ATP8A1: variants seen among roughly 807,000 people sequenced by gnomAD.
The protein encoded by ATP8A1 is ATPase phospholipid transporting 8A1.
In ATP8A1, 90 loss-of-function variants were observed where a neutral mutation model predicts 177.7. The ratio of observed to expected loss-of-function variants is 0.51; its 90% confidence interval spans 0.43 to 0.60. The LOEUF (loss-of-function observed/expected upper bound fraction) is 0.60, where lower values mean the gene tolerates loss of function less well. Ranked by LOEUF, ATP8A1 falls within the 20% of genes least tolerant of loss-of-function variation. The pLI is 0.00. For synonymous variants in ATP8A1, 493 were observed against 485.9 expected (o/e 1.01, Z -0.19); for missense variants, 1,072 against 1,392.8 (o/e 0.77, Z 3.67).
chr4:42,625,664 G>C lies in ATP8A1; in HGVS notation c.214C>G (p.Gln72Glu), dbSNP rs757599294. 23 of 1,609,290 alleles carry C rather than the reference G, an allele frequency of 1.4e-5. No homozygotes were observed. Among genetic ancestry groups the C allele is most frequent in the African/African-American group, 6.7e-5 (5 of 74,790 alleles). Reference protein sequence around the residue: ...ITFLPRFLYSQFRRAANSFFL... With the variant: ...ITFLPRFLYSEFRRAANSFFL... ...AATGAATTAGCAGCTCTTCTGAACT[G>C]AGAGTAGAGAAATCTTGGAAGGAAT... Residue 72 changes from glutamine to glutamate, a missense_variant, in exon 3 of 37, where the codon CAG becomes GAG. By Grantham distance (29) the Gln-to-Glu change is conservative. Coordinates refer to ENST00000381668, the MANE Select transcript of ATP8A1 (RefSeq NM_006095.2).
chr4:42,579,872 A>G lies in ATP8A1; in HGVS notation c.941T>C (p.Val314Ala). The change falls in exon 11 of 37, where the codon GTG becomes GCG. Residue 314 changes from valine (V) to alanine (A), a missense_variant. By Grantham distance (64) the Val-to-Ala change is moderately conservative. Coordinates refer to ENST00000381668, the MANE Select transcript of ATP8A1 (RefSeq NM_006095.2). ...CCTTCGATTCCAAATGGCTGAGCCC[A>G]CAGAACAGACAAGAGACATGGCAAT... ...ILIAMSLVCS[V>A]GSAIWNRRHS... The G allele has an allele frequency of 6.2e-7, 1 of 1,613,950 alleles. No individual in the cohort carries two copies. The highest frequency in any genetic ancestry group is 8.5e-7 in the Non-Finnish European group (1 of 1,179,898).
intron 19 of ATP8A1, among the ~76,000 whole-genome samples, chr4:42,545,790 A>T (rs758591850): frequency 6.6e-6 from 1 of 152,158 alleles, no homozygotes; most frequent in South Asian, 2.1e-4. Context: ...CCTGGCCAAC[A>T]TGGTGAAACC....
At chr4:42,537,270 A>C (rs1332367618) in intron 20 of ATP8A1, among the ~76,000 whole-genome samples, 1 of 152,148 alleles carries the variant, frequency 6.6e-6, no homozygotes, top group Non-Finnish European at 1.5e-5. Flanking sequence ...GGCATACCTT[A>C]AGGTAATAAA....
rs373195226 is a variant in ATP8A1, at chr4:42,465,126, T to C, written c.2325-50A>G. ...TACTGTTTTCTGAAAAAAGGAATTT[T>C]GAAATGCCATCGTGTTGAAGGATAA... On this transcript the variant is annotated intron_variant, in intron 25 of 36. Transcript: ENST00000381668. 8.6e-6 allele frequency: 13 copies of C among 1,506,484 alleles called. No individual in the cohort carries two copies. In the African/African-American group the frequency reaches 1.8e-4, roughly 21 times the overall value. The allele number at this position is 1,506,484 out of a possible 1,614,324, so 93.3% of individuals were successfully genotyped here.
At chr4:42,520,774 T>C (rs1473642821) in intron 22 of ATP8A1, among the ~76,000 whole-genome samples, 2 of 152,172 alleles carry the variant, frequency 1.3e-5, no homozygotes. Flanking sequence ...TACATATCTA[T>C]CTCTATATAT....
chr4:42,575,696 G>A lies in ATP8A1; in HGVS notation c.1132C>T (p.Leu378Phe). 6.2e-7 allele frequency: 1 copy of A among 1,612,328 alleles called. No homozygotes were observed. The highest frequency in any genetic ancestry group is 8.5e-7 in the Non-Finnish European group (1 of 1,178,846). Residue 378 changes from leucine (L) to phenylalanine (F), a missense_variant, in exon 13 of 37, where the codon CTT (leucine) becomes TTT (phenylalanine). Physicochemically the swap from Leu to Phe is conservative, Grantham distance 22. Around this residue, in one of 5 missense-constraint regions of ATP8A1, gnomAD observed 388 missense variants for 471.7 expected, o/e 0.82. Coordinates refer to ENST00000381668, the MANE Select transcript of ATP8A1 (RefSeq NM_006095.2). ...TCTGTGGGTTCATAGTGCATGTCAA[G>A]ATCCTTTAATAAAATTAAGTAAATC... ...FTQAYFINWD[L>F]DMHYEPTDTA...
intron 29 of ATP8A1, among the ~76,000 whole-genome samples, chr4:42,454,031 T>C (rs992620613): frequency 5.3e-4 from 81 of 152,216 alleles, no homozygotes; most frequent in Non-Finnish European, 4.7e-4. Context: ...AACTGCACAT[T>C]AATAGTATTA....
chr4:42,530,633 C>T (rs548217446), intron 20 of ATP8A1, among the ~76,000 whole-genome samples: 7 of 152,320 alleles, frequency 4.6e-5, no homozygotes, highest in Admixed American at 3.9e-4. Context: ...ACTCACTGGT[C>T]TTACCATGTT....
At chr4:42,570,569 A>G (rs1354674329) in intron 14 of ATP8A1, among the ~76,000 whole-genome samples, 2 of 151,960 alleles carry the variant, frequency 1.3e-5, no homozygotes, top group African/African-American at 4.9e-5. Flanking sequence ...AAAGCTCCAG[A>G]GCTCAAGTGC....
chr4:42,476,462 T>C (rs746918482), intron 25 of ATP8A1, among the ~76,000 whole-genome samples: 10 of 151,642 alleles, frequency 6.6e-5, no homozygotes, highest in Non-Finnish European at 1.3e-4. Context: ...TTACTAAAAA[T>C]ACAAAAATTA....
rs1226391211 is a variant in ATP8A1, at chr4:42,574,719, T to C, written c.1207-12A>G. 1.3e-6 allele frequency: 2 copies of C among 1,569,402 alleles called. No homozygotes were observed. The highest frequency in any genetic ancestry group is 1.7e-6 in the Non-Finnish European group (2 of 1,154,816). ...AATATGTATTTAACCTAAAAAAGTTTAAAATTTCTCATTAATATTTTGAAA... is the reference window on the plus strand; with the variant it reads ...AATATGTATTTAACCTAAAAAAGTTCAAAATTTCTCATTAATATTTTGAAA... On this transcript the variant is annotated splice_polypyrimidine_tract_variant and intron_variant, in intron 13 of 36. Transcript: ENST00000381668.
intron 5 of ATP8A1, among the ~76,000 whole-genome samples, chr4:42,602,268 T>G (rs772130458): frequency 2.0e-5 from 3 of 152,194 alleles, no homozygotes; most frequent in African/African-American, 4.8e-5. Context: ...CACTGGATCC[T>G]GAAACACAAG....
intron 25 of ATP8A1, among the ~76,000 whole-genome samples, chr4:42,470,092 T>C (rs1273960409): frequency 6.6e-6 from 1 of 152,228 alleles, no homozygotes; most frequent in Non-Finnish European, 1.5e-5. Flanking sequence ...CACCGTTGCT[T>C]TTTCTTCTTT....
At chr4:42,450,112 G>T (rs1717771989) in intron 30 of ATP8A1, among the ~76,000 whole-genome samples, 1 of 152,120 alleles carries the variant, frequency 6.6e-6, no homozygotes, top group Non-Finnish European at 1.5e-5. Context: ...GAAACAATCT[G>T]AAGGTCCATC....
chr4:42,616,123 G>C (rs954248608), intron 4 of ATP8A1, 45 bp from the exon 5 acceptor site: 1 of 1,535,822 alleles, frequency 6.5e-7, no homozygotes, highest in Non-Finnish European at 8.9e-7. Context: ...ATGTGAATAA[G>C]ATTACTAAAA....
chr4:42,562,707 T>C (rs989633651), intron 15 of ATP8A1, among the ~76,000 whole-genome samples: 4 of 152,330 alleles, frequency 2.6e-5, no homozygotes, highest in Non-Finnish European at 5.9e-5. Context: ...GGAAGGCAAT[T>C]GAACCATGGG....
intron 27 of ATP8A1, among the ~76,000 whole-genome samples, chr4:42,463,062 A>T (rs1013535637): frequency 6.6e-6 from 1 of 152,182 alleles, no homozygotes; most frequent in African/African-American, 2.4e-5. Context: ...ACAGGCTCAT[A>T]GGCGGAAGGG....
chr4:42,459,768 T>C (rs1718893189), intron 27 of ATP8A1, among the ~76,000 whole-genome samples: 1 of 151,386 alleles, frequency 6.6e-6, no homozygotes, highest in South Asian at 2.1e-4. Context: ...TATTTCCACA[T>C]ATTAGGTTAT....
chr4:42,425,061 G>A (rs1714431581), intron 33 of ATP8A1, among the ~76,000 whole-genome samples: 1 of 152,124 alleles, frequency 6.6e-6, no homozygotes, highest in African/African-American at 2.4e-5. Context: ...TGTCTATCAA[G>A]TCAGTAGATT....
Sources: gnomAD v4.1 joint callset for allele counts (sites outside exome capture counted in the v4.1 genomes callset) on GRCh38, gnomAD v4.1.1 for gene constraint, gnomAD v4.1.1 regional missense constraint, MANE v1.5 for transcripts, NCBI Gene and HGNC (gene_info 2026-07-23, HGNC 2026-07-21) for gene names.